MRM2: variants seen among roughly 807,000 people sequenced by gnomAD.
MRM2 encodes the protein rRNA methyltransferase 2, mitochondrial.
In MRM2, 15 loss-of-function variants were observed where a neutral mutation model predicts 10.9. The ratio of observed to expected loss-of-function variants is 1.37; its 90% CI spans 0.92 to 2.11. MRM2 has a LOEUF of 2.11. Ranked by LOEUF, MRM2 falls within the 30% of genes most tolerant of loss-of-function variation. The probability of loss-of-function intolerance (pLI) is 0.00; values close to 1 mark genes in which losing one functional copy is unlikely to be tolerated. For synonymous variants in MRM2, 139 were observed against 128.7 expected (o/e 1.08, Z -0.54); for missense variants, 328 against 321.3 (o/e 1.02, Z -0.16).
intron 2 of MRM2, among the ~76,000 whole-genome samples, chr7:2,237,649 G>C (rs909866293): frequency 1.3e-5 from 2 of 152,142 alleles, no homozygotes; most frequent in South Asian, 2.1e-4. Context: ...ACAATAAAAA[G>C]GCTTTCAGGC....
chr7:2,239,019 ATATATATAT>A (rs1407667208), intron 2 of MRM2: 1,938 of 21,174 alleles, frequency 0.092, 181 homozygotes, highest in African/African-American at 0.13. Flanking sequence ...ATATATATAT[ATATATATAT>A]AATACATATA....
intron 2 of MRM2, chr7:2,239,007 ATATATATATATATATAT>A (rs1794470766): frequency 1.1e-4 from 9 of 78,890 alleles, no homozygotes; most frequent in Non-Finnish European, 1.7e-4. Flanking sequence ...ATATATATAT[ATATATATATATATATAT>A]ATATAATACA....
chr7:2,239,804 A>G (rs372058399), intron 1 of MRM2, 97 bp from the exon 2 acceptor site: 3 of 1,133,568 alleles, frequency 2.6e-6, no homozygotes, highest in Non-Finnish European at 3.8e-6. Context: ...ATTTCTAGAG[A>G]TGGGGCACCA....
chr7:2,242,148 A>C lies in MRM2; in HGVS notation c.8+14T>G, dbSNP rs1562403834. On this transcript the variant is annotated intron_variant, in intron 1 of 2. Transcript: ENST00000242257. ...TCCCGCTGTCTGCACGCGCAGCAGC[A>C]GCGCCCAGCTCACCCCGCCATTGGT... 1 of 1,583,058 alleles carries C rather than the reference A, an allele frequency of 6.3e-7. No homozygotes were observed. The highest frequency in any genetic ancestry group is 1.7e-5 in the Admixed American group (1 of 58,452).
At chr7:2,237,666 C>A (rs73043205) in intron 2 of MRM2, among the ~76,000 whole-genome samples, 4,422 of 152,166 alleles carry the variant, frequency 0.029, 100 homozygotes, top group South Asian at 0.055. Context: ...AGGCTGACCA[C>A]GATGGAAGCA....
At chr7:2,239,223 CCTTT>C in intron 2 of MRM2, 191 bp downstream of exon 2, 1 of 795,794 alleles carries the variant, frequency 1.3e-6, no homozygotes, top group Non-Finnish European at 2.3e-6. Context: ...GTTCACTGCA[CCTTT>C]CTACCTTGTC....
rs982049897 is a variant in MRM2, at chr7:2,242,094, G to T, written c.8+68C>A. 6 of 1,541,662 alleles carry T rather than the reference G, an allele frequency of 3.9e-6. No homozygotes were observed. In the African/African-American group the frequency reaches 8.4e-5, roughly 22 times the overall value. On this transcript the variant is annotated intron_variant, in intron 1 of 2. Transcript: ENST00000242257. The stretch of plus-strand genomic sequence containing the variant: ...CACCCAGCCCCGAGGCCAGGACCGA[G>T]GAAGGCGACCGGGCGGACCCCCAAC...
At position 2,235,364 on chromosome 7, in the gene MRM2, G is replaced by A. The variant is rs769822400; in HGVS notation, c.499C>T (p.His167Tyr). 2 of 1,614,118 alleles carry A rather than the reference G, an allele frequency of 1.2e-6. No individual in the cohort carries two copies. Among genetic ancestry groups the A allele is most frequent in the Admixed American group, 3.3e-5 (2 of 60,020 alleles). The change falls in exon 3 of 3, where the codon CAT (histidine) becomes TAT (tyrosine). Residue 167 changes from histidine to tyrosine, a missense_variant. Coordinates refer to ENST00000242257, the MANE Select transcript of MRM2 (RefSeq NM_013393.3). ...AGGCACAGGCTGATGAGCCTGTCAT[G>A]ATCGAGGTCCCGGAACCCTGTGGCA... ...PNATGFRDLD[H>Y]DRLISLCLTL... is the part of the protein sequence containing the mutation.
rs539611419 is a variant in MRM2 at position 2,234,884 on chromosome 7, C to G, written c.*238G>C. On this transcript the variant is annotated 3_prime_UTR_variant, in exon 3 of 3. Coordinates refer to ENST00000242257, the MANE Select transcript of MRM2 (RefSeq NM_013393.3). Reference sequence around the variant, plus strand: ...CATCCTCACCTCTTTCTCTTGATAACTTTCTCTTCCCAAATCACAATATAG... The same window carrying G: ...CATCCTCACCTCTTTCTCTTGATAAGTTTCTCTTCCCAAATCACAATATAG... The G allele has an allele frequency of 4.7e-5, 25 of 530,752 alleles. No individual in the cohort carries two copies. The South Asian group carries it at 5.5e-4, about 12-fold the overall frequency. The allele number at this position is 530,752 out of a possible 1,614,324, so 32.9% of individuals were successfully genotyped here.
chr7:2,241,850 A>T (rs1310984044), intron 1 of MRM2: 1 of 384,368 alleles, frequency 2.6e-6, no homozygotes, highest in Admixed American at 4.8e-5. Flanking sequence ...CCGGCCCAGA[A>T]GCGAAATCCC....
chr7:2,235,218 T>C lies in MRM2; in HGVS notation c.645A>G (p.Val215=), dbSNP rs1794396556. Residue 215 remains valine (V), a synonymous_variant, in exon 3 of 3, where the codon GTA becomes GTG. Transcript: ENST00000242257. The stretch of plus-strand genomic sequence containing the variant: ...TGCTGGCTTCAGGTTTGATGATCCT[T>C]ACATTCTGGAATTCCTCTGTCAGTC... ...QRRLTEEFQN[V]RIIKPEASRK... is the part of the protein sequence containing the mutation. The C allele has an allele frequency of 1.2e-6, 2 of 1,614,108 alleles. No individual in the cohort carries two copies. Among genetic ancestry groups the C allele is most frequent in the Admixed American group, 1.7e-5 (1 of 60,014 alleles).
chr7:2,239,026 T>TAA lies in MRM2; in HGVS notation c.298+391_298+392insTT, dbSNP rs1258274669. 69 of 12,726 alleles carry TAA rather than the reference T, an allele frequency of 5.4e-3. 3 individuals carry two copies. The highest frequency in any genetic ancestry group is 8.5e-3 in the Non-Finnish European group (52 of 6,084). The allele number at this position is 12,726 out of a possible 1,614,324, so 0.8% of individuals were successfully genotyped here. On this transcript the variant is annotated intron_variant, in intron 2 of 2. Transcript: ENST00000242257. ...ATATATATATATATATATATATATA[T>TAA]ATAATACATATATGTATGTATCATT...
intron 2 of MRM2, among the ~76,000 whole-genome samples, chr7:2,236,859 G>C (rs1238515869): frequency 2.0e-5 from 3 of 152,166 alleles, no homozygotes; most frequent in Non-Finnish European, 4.4e-5. Context: ...CGTTGGGCTT[G>C]TGAAGAGGGG....
At chr7:2,240,646 C>G (rs1794507947) in intron 1 of MRM2, among the ~76,000 whole-genome samples, 1 of 152,046 alleles carries the variant, frequency 6.6e-6, no homozygotes, top group Non-Finnish European at 1.5e-5. Context: ...CAGGTGGAAG[C>G]TATACACACC....
rs997295967 is a variant in MRM2 at position 2,234,983 on chromosome 7, AAGAG to A, written c.*135_*138del. ...TTTTGGTTAAAAAGAGAGAGAGAGA[AAGAG>A]AGAGAGAGACTCCCCACTTGTCCTG... is the stretch of plus-strand genomic sequence containing the variant. On this transcript the variant is annotated 3_prime_UTR_variant, in exon 3 of 3. Transcript: ENST00000242257. 5 of 647,856 alleles carry A rather than the reference AAGAG, an allele frequency of 7.7e-6. No individual in the cohort carries two copies. The highest frequency in any genetic ancestry group is 3.7e-5 in the African/African-American group (2 of 54,776). 40.1% of individuals were successfully genotyped at this position (647,856 alleles called of 1,614,324 possible).
chr7:2,235,088 C>A lies in MRM2; in HGVS notation c.*34G>T. On this transcript the variant is annotated 3_prime_UTR_variant, in exon 3 of 3. Coordinates refer to ENST00000242257, the MANE Select transcript of MRM2 (RefSeq NM_013393.3). Reference sequence around the variant, plus strand: ...GGCTACGTTTCTAGCTTAAAAGGAGCTAATGACCATTATGAAAATGGCACA... The same window carrying A: ...GGCTACGTTTCTAGCTTAAAAGGAGATAATGACCATTATGAAAATGGCACA... 6.6e-7 allele frequency: 1 copy of A among 1,522,398 alleles called. No homozygotes were observed. The highest frequency in any genetic ancestry group is 9.1e-7 in the Non-Finnish European group (1 of 1,101,928). 94.3% of individuals were successfully genotyped at this position (1,522,398 alleles called of 1,614,324 possible).
chr7:2,239,790 A>C, intron 1 of MRM2, 83 bp from the exon 2 acceptor site: 1 of 1,273,456 alleles, frequency 7.9e-7, no homozygotes, highest in Admixed American at 1.9e-5. Context: ...GGATCAACTC[A>C]TTCATTTCTA....
In MRM2 at chr7:2,235,405, C is replaced by G; in HGVS notation, c.458G>C (p.Ser153Thr). 1 of 1,614,096 alleles carries G rather than the reference C, an allele frequency of 6.2e-7. No individual in the cohort carries two copies. Reference protein sequence around the residue: ...LPGRRADVILSDMAPNATGFR... With the variant: ...LPGRRADVILTDMAPNATGFR... ...CCCTGTGGCATTGGGCGCCATGTCG[C>G]TCAGAATCACATCTGCTCTCCTGCC... The change falls in exon 3 of 3, where the codon AGC (serine) becomes ACC (threonine). Residue 153 changes from serine to threonine, a missense_variant. Physicochemically the swap from Ser to Thr is moderately conservative, Grantham distance 58. Transcript: ENST00000242257.
chr7:2,239,124 G>A (rs755406770), intron 2 of MRM2: 1 of 770,260 alleles, frequency 1.3e-6, no homozygotes, highest in Admixed American at 1.7e-5. Context: ...GAAAATGTGA[G>A]GGATCTATGC....
Sources: gnomAD v4.1 joint callset for allele counts (sites outside exome capture counted in the v4.1 genomes callset) on GRCh38, gnomAD v4.1.1 for gene constraint, MANE v1.5 for transcripts, NCBI Gene and HGNC (gene_info 2026-07-23, HGNC 2026-07-21) for gene names.